The following CADPS2 variants were observed in gnomAD, a reference collection of about 807,000 sequenced individuals.
CADPS2 encodes the protein calcium dependent secretion activator 2, also known as calcium-dependent secretion activator 2.
In CADPS2, 93 loss-of-function variants were observed where a neutral mutation model predicts 172.5. The observed-to-expected ratio is 0.54, with a 90% CI of 0.46 to 0.64. The LOEUF is 0.64. Ranked by LOEUF, CADPS2 falls within the 30% of genes least tolerant of loss-of-function variation. The pLI is 0.00. For synonymous variants in CADPS2, 546 were observed against 555.2 expected (o/e 0.98, Z 0.23); for missense variants, 1,420 against 1,565.9 (o/e 0.91, Z 1.57).
intron 1 of CADPS2, among the ~76,000 whole-genome samples, chr7:122,854,044 C>T (rs1310273061): frequency 1.3e-5 from 2 of 152,140 alleles, no homozygotes; most frequent in South Asian, 2.1e-4. Flanking sequence ...ACTGCTGGAG[C>T]GATGTCCTCG....
At chr7:122,337,456 C>T (rs1444131444) in intron 28 of CADPS2, among the ~76,000 whole-genome samples, 1 of 152,120 alleles carries the variant, frequency 6.6e-6, no homozygotes, top group African/African-American at 2.4e-5. Flanking sequence ...AGAAATAAGA[C>T]CAACAAGCTA....
At chr7:122,702,765 A>T in intron 2 of CADPS2, 2 of 1,546,068 alleles carry the variant, frequency 1.3e-6, no homozygotes, top group Non-Finnish European at 1.8e-6. Context: ...CCATTTGTCT[A>T]TTAAGAGACA....
Position 122,702,651 on chromosome 7 carries a change from C to T in CADPS2, c.453+34304G>A, listed in dbSNP as rs370211791. The T allele has an allele frequency of 2.0e-5, 33 of 1,613,266 alleles. No homozygotes were observed. In the African/African-American group the frequency reaches 2.3e-4, roughly 11 times the overall value. On this transcript the variant is annotated intron_variant, in intron 2 of 29. Coordinates refer to ENST00000449022, the MANE Select transcript of CADPS2 (RefSeq NM_017954.11). ...AGGTGAGCTGTCCAAATGGCTTTTCCGTTTGAGTCAGGAAAGCTAAGTAGT... is the reference window on the plus strand; with the variant it reads ...AGGTGAGCTGTCCAAATGGCTTTTCTGTTTGAGTCAGGAAAGCTAAGTAGT...
intron 17 of CADPS2, among the ~76,000 whole-genome samples, chr7:122,430,285 T>C (rs1034252454): frequency 6.6e-6 from 1 of 152,234 alleles, no homozygotes; most frequent in Non-Finnish European, 1.5e-5. Context: ...AAAGATCTCA[T>C]GTCCAGGCAA....
chr7:122,746,869 C>A (rs1266278875), intron 1 of CADPS2, among the ~76,000 whole-genome samples: 1 of 152,064 alleles, frequency 6.6e-6, no homozygotes, highest in African/African-American at 2.4e-5. Flanking sequence ...CAGGACTCTC[C>A]CTGAACATAG....
chr7:122,832,980 G>C (rs1054347304), intron 1 of CADPS2, among the ~76,000 whole-genome samples: 9 of 152,148 alleles, frequency 5.9e-5, no homozygotes. Context: ...TTTAACTGCA[G>C]AACAGCAATA....
chr7:122,673,652 G>C (rs1322219933), intron 2 of CADPS2, among the ~76,000 whole-genome samples: 1 of 151,932 alleles, frequency 6.6e-6, no homozygotes, highest in Non-Finnish European at 1.5e-5. Context: ...CATGAATCCC[G>C]AGCTAGACAC....
chr7:122,879,365 G>A (rs577702586), intron 1 of CADPS2, among the ~76,000 whole-genome samples: 27 of 151,338 alleles, frequency 1.8e-4, no homozygotes, highest in African/African-American at 5.1e-4. Context: ...GTGAAACCCC[G>A]TCTCTACCAA....
intron 28 of CADPS2, among the ~76,000 whole-genome samples, chr7:122,334,589 C>T (rs1290282083): frequency 1.3e-5 from 2 of 152,202 alleles, no homozygotes; most frequent in African/African-American, 2.4e-5. Context: ...CAAGAGTGTG[C>T]TCTTATCTCA....
intron 2 of CADPS2, among the ~76,000 whole-genome samples, chr7:122,715,815 A>C (rs1048900655): frequency 1.3e-5 from 2 of 152,136 alleles, no homozygotes; most frequent in African/African-American, 4.8e-5. Context: ...ACCAAAGCTT[A>C]AAGTCATCCA....
chr7:122,416,128 T>C lies in CADPS2; in HGVS notation c.2513A>G (p.Glu838Gly). Reference sequence around the variant, plus strand: ...GAGCTCTGCCAGATGAAGAATCTCTTCCAGCTTTCTAGCAGGAGATGCCTG... The same window carrying C: ...GAGCTCTGCCAGATGAAGAATCTCTCCCAGCTTTCTAGCAGGAGATGCCTG... ...MNQASPARKL[E>G]EILHLAELCI... Residue 838 changes from glutamate to glycine, a missense_variant, in exon 18 of 30, where the codon GAA becomes GGA. By Grantham distance (98) the Glu-to-Gly change is moderately conservative. Transcript: ENST00000449022. The C allele has an allele frequency of 6.4e-7, 1 of 1,552,926 alleles. No homozygotes were observed. Among genetic ancestry groups the C allele is most frequent in the East Asian group, 2.4e-5 (1 of 42,446 alleles).
intron 6 of CADPS2, among the ~76,000 whole-genome samples, chr7:122,583,076 A>G (rs1178823033): frequency 1.3e-5 from 2 of 151,918 alleles, no homozygotes; most frequent in African/African-American, 4.8e-5. Flanking sequence ...ATAACAATGA[A>G]TGCGGAGGAA....
At chr7:122,629,580 T>C (rs755173509) in intron 3 of CADPS2, among the ~76,000 whole-genome samples, 2 of 152,174 alleles carry the variant, frequency 1.3e-5, no homozygotes, top group Non-Finnish European at 2.9e-5. Context: ...ATTAGATTTC[T>C]TGATCATTAA....
At chr7:122,630,532 A>C (rs577561445) in intron 3 of CADPS2, among the ~76,000 whole-genome samples, 1 of 152,148 alleles carries the variant, frequency 6.6e-6, no homozygotes, top group South Asian at 2.1e-4. Context: ...GGGCAACTTC[A>C]TAAGTTACTC....
At chr7:122,369,183 G>C (rs1455162835) in intron 25 of CADPS2, among the ~76,000 whole-genome samples, 6 of 124,652 alleles carry the variant, frequency 4.8e-5, no homozygotes, top group South Asian at 2.4e-4. Flanking sequence ...CCAGGCTGGA[G>C]TGCAGTGGCG....
intron 13 of CADPS2, among the ~76,000 whole-genome samples, chr7:122,472,486 TTGAGCCA>T (rs1476342289): frequency 3.3e-5 from 5 of 152,198 alleles, no homozygotes; most frequent in Non-Finnish European, 7.3e-5. Flanking sequence ...AAATCAGTTG[TTGAGCCA>T]TGATTTATAT....
chr7:122,489,712 A>G (rs906747824), intron 11 of CADPS2, among the ~76,000 whole-genome samples: 4 of 152,152 alleles, frequency 2.6e-5, no homozygotes, highest in Non-Finnish European at 5.9e-5. Context: ...TGGTATTCTG[A>G]AATCCTATCA....
intron 1 of CADPS2, among the ~76,000 whole-genome samples, chr7:122,837,698 G>T (rs1409216871): frequency 6.6e-6 from 1 of 152,082 alleles, no homozygotes; most frequent in Non-Finnish European, 1.5e-5. Flanking sequence ...ATAAATTCCT[G>T]GACACATACA....
rs1408785165 is a variant in CADPS2, at chr7:122,483,568, A to G, written c.1853-2708T>C. Among the ~76,000 whole-genome samples, 5 of 152,126 alleles carry G rather than the reference A, an allele frequency of 3.3e-5. No individual in the cohort carries two copies. The South Asian group carries it at 8.3e-4, about 25-fold the overall frequency. On this transcript the variant is annotated intron_variant, in intron 11 of 29. Transcript: ENST00000449022. ...CATAACATGTACATAATGGACATGT[A>G]CAAAATGGACATGTACATAACATTT...
Sources: gnomAD v4.1 joint callset for allele counts (sites outside exome capture counted in the v4.1 genomes callset) on GRCh38, gnomAD v4.1.1 for gene constraint, MANE v1.5 for transcripts, NCBI Gene and HGNC (gene_info 2026-07-23, HGNC 2026-07-21) for gene names.